The following STK3 variants were observed in gnomAD, a reference collection of about 807,000 sequenced individuals.
STK3 encodes serine/threonine-protein kinase 3.
STK3 carries 41 observed loss-of-function variants against 58.0 expected under a neutral mutation model. That is an observed-to-expected ratio of 0.71 (90% CI 0.55 to 0.92). STK3 has a LOEUF of 0.92. Among genes scored for constraint, STK3 ranks in the 40% least tolerant of loss-of-function variants. STK3 has a pLI of 0.00. For synonymous variants in STK3, 170 were observed against 191.0 expected (o/e 0.89, Z 0.91); for missense variants, 479 against 602.7 (o/e 0.79, Z 2.15).
intron 4 of STK3, among the ~76,000 whole-genome samples, chr8:98,738,767 C>T (rs550359407): frequency 2.6e-5 from 4 of 152,322 alleles, no homozygotes; most frequent in South Asian, 2.1e-4. Context: ...GCACCGTGTG[C>T]GAGCCTAAGC....
intron 9 of STK3, among the ~76,000 whole-genome samples, chr8:98,542,482 C>T (rs1036721677): frequency 5.3e-5 from 8 of 152,066 alleles, no homozygotes; most frequent in African/African-American, 1.7e-4. Context: ...TCTATAGAAG[C>T]CCCTTTGACT....
chr8:98,853,728 A>G (rs1409135838), intron 3 of STK3, among the ~76,000 whole-genome samples: 1 of 152,268 alleles, frequency 6.6e-6, no homozygotes, highest in African/African-American at 2.4e-5. Flanking sequence ...AGACAGAATC[A>G]GGAACCAAAA....
chr8:98,856,750 T>C (rs560773438), intron 3 of STK3, among the ~76,000 whole-genome samples: 2 of 152,224 alleles, frequency 1.3e-5, no homozygotes, highest in Non-Finnish European at 2.9e-5. Context: ...CAGACACTTG[T>C]ATTCAAATGT....
At chr8:98,861,293 T>C (rs529143893) in intron 3 of STK3, among the ~76,000 whole-genome samples, 436 of 151,634 alleles carry the variant, frequency 2.9e-3, no homozygotes, top group Non-Finnish European at 4.9e-3. Context: ...ACTTTACATG[T>C]CATTAACATG....
chr8:98,509,853 T>G (rs913588120), intron 10 of STK3, among the ~76,000 whole-genome samples: 1 of 152,036 alleles, frequency 6.6e-6, no homozygotes, highest in Non-Finnish European at 1.5e-5. Context: ...GATGTGAAAA[T>G]CTAATACTTT....
At chr8:98,618,049 A>G (rs1322664394) in intron 6 of STK3, among the ~76,000 whole-genome samples, 1 of 151,890 alleles carries the variant, frequency 6.6e-6, no homozygotes, top group Non-Finnish European at 1.5e-5. Flanking sequence ...ATGAACATTG[A>G]TGCAAAAATC....
chr8:98,442,992 C>CAAA lies in STK3; in HGVS notation n.186-5787_186-5785dup, dbSNP rs55664519. ...AAATTAAACTGGCTCTTAGCTAAAG[C>CAAA]AAAAAAAAAAAACAACAAAAAACCC... On this transcript the variant is annotated intron_variant and non_coding_transcript_variant, in intron 1 of 3. Transcript: ENST00000517832. Among the ~76,000 whole-genome samples the CAAA allele has an allele frequency of 6.0e-4, 88 of 147,342 alleles. 1 individual carries two copies. Among genetic ancestry groups the CAAA allele is most frequent in the African/African-American group, 2.2e-3 (87 of 40,286 alleles).
intron 10 of STK3, among the ~76,000 whole-genome samples, chr8:98,466,205 A>T (rs1300641486): frequency 6.6e-6 from 1 of 152,232 alleles, no homozygotes; most frequent in Non-Finnish European, 1.5e-5. Context: ...GAAAAACATT[A>T]TATGAGAAAT....
intron 8 of STK3, among the ~76,000 whole-genome samples, chr8:98,556,740 G>A (rs972612797): frequency 3.3e-5 from 5 of 151,904 alleles, no homozygotes; most frequent in African/African-American, 1.2e-4. Flanking sequence ...AGAATCAGAC[G>A]GTTATTACTA....
At chr8:98,622,327 A>G (rs1226114558) in intron 6 of STK3, among the ~76,000 whole-genome samples, 1 of 152,086 alleles carries the variant, frequency 6.6e-6, no homozygotes, top group Non-Finnish European at 1.5e-5. Context: ...TAATCACTGA[A>G]TACAATAAAC....
intron 1 of STK3, among the ~76,000 whole-genome samples, chr8:98,941,953 G>C (rs1466615342): frequency 6.6e-6 from 1 of 152,238 alleles, no homozygotes; most frequent in African/African-American, 2.4e-5. Context: ...ACGGCTCCGC[G>C]GAGACAGCCT....
rs549244183 is a variant in STK3 at position 98,386,883 on chromosome 8, C to T, written n.56+1309G>A. Among the ~76,000 whole-genome samples the T allele has an allele frequency of 3.4e-3, 511 of 152,128 alleles. 2 individuals carry two copies. The highest frequency in any genetic ancestry group is 3.5e-3 in the Non-Finnish European group (239 of 67,988). On this transcript the variant is annotated intron_variant and non_coding_transcript_variant, in intron 1 of 2. Coordinates refer to the STK3 transcript ENST00000518704. ...TGAGGCAGAAGAATTGCACGAACCC[C>T]GGAGGTGGAGGTTACTGTGAGCCGA...
intron 6 of STK3, among the ~76,000 whole-genome samples, chr8:98,690,664 A>T (rs915886746): frequency 6.6e-6 from 1 of 152,166 alleles, no homozygotes; most frequent in Non-Finnish European, 1.5e-5. Flanking sequence ...TCAAACTACC[A>T]TCATCATTTT....
chr8:98,870,431 A>G (rs371068427), intron 3 of STK3, among the ~76,000 whole-genome samples: 38 of 152,226 alleles, frequency 2.5e-4, no homozygotes, highest in East Asian at 1.9e-3. Context: ...GTCTTCCACA[A>G]TGGTTGAACT....
intron 6 of STK3, among the ~76,000 whole-genome samples, chr8:98,656,061 A>G (rs866961210): frequency 1.4e-4 from 21 of 152,334 alleles, no homozygotes; most frequent in African/African-American, 4.1e-4. Flanking sequence ...CACTATTCAC[A>G]ATAGCAAAGA....
chr8:98,743,127 A>G (rs1006201095), intron 4 of STK3, among the ~76,000 whole-genome samples: 3 of 152,114 alleles, frequency 2.0e-5, no homozygotes, highest in Non-Finnish European at 4.4e-5. Flanking sequence ...GGTAGGAAGA[A>G]TCAATATCGT....
chr8:98,825,705 C>G (rs1280059356), upstream of STK3: 4 of 1,026,166 alleles, frequency 3.9e-6, no homozygotes, highest in African/African-American at 5.2e-5. Context: ...CGCTTAGGAG[C>G]GCGGCTCCTC....
intron 3 of STK3, among the ~76,000 whole-genome samples, chr8:98,832,253 AAAAT>A (rs904479553): frequency 3.8e-5 from 5 of 129,986 alleles, no homozygotes; most frequent in Admixed American, 8.4e-5. Context: ...TGAAAAAAAA[AAAAT>A]ATATATATAT....
intron 1 of STK3, among the ~76,000 whole-genome samples, chr8:98,779,550 C>T (rs947177357): frequency 6.6e-6 from 1 of 152,148 alleles, no homozygotes; most frequent in African/African-American, 2.4e-5. Context: ...TATAACATTA[C>T]CTACAGGCTA....
Sources: allele counts gnomAD v4.1 joint callset (sites outside exome capture counted in the v4.1 genomes callset), GRCh38; gene constraint gnomAD v4.1.1; transcripts MANE v1.5; gene names NCBI Gene and HGNC (gene_info 2026-07-23, HGNC 2026-07-21).